Variants in MME observed in about 807,000 individuals in gnomAD.
The protein encoded by MME is membrane metalloendopeptidase.
In MME, 98 loss-of-function variants were observed where a neutral mutation model predicts 113.2. That is an observed-to-expected ratio of 0.87 (90% CI 0.74 to 1.02). The LOEUF (loss-of-function observed/expected upper bound fraction) is 1.02. Among genes scored for constraint, MME ranks in the 50% least tolerant of loss-of-function variants. The pLI is 0.00. For missense variants in MME, 836 were observed against 896.0 expected (o/e 0.93, Z 0.86); for synonymous variants, 292 against 300.6 (o/e 0.97, Z 0.30).
intron 3 of MME, among the ~76,000 whole-genome samples, chr3:155,088,728 G>T (rs1716013797): frequency 1.3e-5 from 2 of 150,926 alleles, no homozygotes; most frequent in African/African-American, 4.9e-5. Context: ...AAAGAGAGAT[G>T]TTGAAAAAAT....
At chr3:155,049,113 T>A (rs1022018071) in intron 1 of MME, among the ~76,000 whole-genome samples, 2 of 152,154 alleles carry the variant, frequency 1.3e-5, no homozygotes, top group Non-Finnish European at 2.9e-5. Context: ...TCTTCTTAAT[T>A]CTTCTGTGTT....
intron 22 of MME, among the ~76,000 whole-genome samples, chr3:155,179,352 C>G (rs1018952547): frequency 2.0e-5 from 3 of 152,056 alleles, no homozygotes; most frequent in Admixed American, 2.0e-4. Flanking sequence ...TCCTTCAAGT[C>G]CATGGAAGGT....
chr3:155,045,193 C>T (rs1713513759), intron 1 of MME, among the ~76,000 whole-genome samples: 1 of 151,630 alleles, frequency 6.6e-6, no homozygotes, highest in African/African-American at 2.4e-5. Context: ...GCTCTGTCGC[C>T]AGGCTGGAGT....
intron 3 of MME, chr3:155,112,795 A>C (rs1259585928): frequency 1.3e-5 from 2 of 152,290 alleles, no homozygotes; most frequent in African/African-American, 4.8e-5. Context: ...GGGCTGTAAG[A>C]GAAGGTGGTA....
At chr3:155,056,429 T>C (rs1174987668) in intron 1 of MME, among the ~76,000 whole-genome samples, 1 of 149,792 alleles carries the variant, frequency 6.7e-6, no homozygotes, top group Non-Finnish European at 1.5e-5. Flanking sequence ...ATATGCAGTG[T>C]TTGGTTTTTT....
intron 16 of MME, among the ~76,000 whole-genome samples, chr3:155,151,052 G>A (rs978686514): frequency 6.6e-5 from 10 of 152,042 alleles, no homozygotes; most frequent in African/African-American, 2.4e-4. Context: ...TCCAGCCTGG[G>A]CGACAGAGCA....
In MME at chr3:155,172,132, A is replaced by G. The variant is rs777038356; in HGVS notation, c.1996A>G (p.Ile666Val). The G allele has an allele frequency of 3.5e-5, 56 of 1,601,626 alleles. No individual in the cohort carries two copies. The South Asian group carries it at 6.1e-4, about 17-fold the overall frequency. Residue 666 changes from isoleucine to valine, a missense_variant, in exon 21 of 23, where the codon ATT becomes GTT. Physicochemically the swap from Ile to Val is conservative, Grantham distance 29. Coordinates refer to ENST00000360490, the MANE Select transcript of MME (RefSeq NM_007289.4). ...GQAYRAYQNYIKKNGEEKLLP... is the reference protein window; with the variant it reads ...GQAYRAYQNYVKKNGEEKLLP... ...AACTGCCTAGGCCTATCAGAATTATATTAAAAAGAATGGCGAAGAAAAATT... is the reference window on the plus strand; with the variant it reads ...AACTGCCTAGGCCTATCAGAATTATGTTAAAAAGAATGGCGAAGAAAAATT...
Position 155,090,999 on chromosome 3 carries a change from G to A in MME, c.196+5905G>A, listed in dbSNP as rs41485544. On this transcript the variant is annotated intron_variant, in intron 3 of 22. Coordinates refer to ENST00000360490, the MANE Select transcript of MME (RefSeq NM_007289.4). ...AAACAGCACAATTAGGTAAATACAG[G>A]AAGGACTGATGGCTAACTCATGGGG... 5.8e-3 allele frequency among the ~76,000 whole-genome samples: 881 copies of A among 152,326 alleles called. 9 individuals are homozygous for A. The highest frequency in any genetic ancestry group is 0.019 in the African/African-American group (807 of 41,574).
At chr3:155,138,019 A>G (rs1720766847) in intron 8 of MME, 83 bp from the exon 9 acceptor site, 1 of 1,485,428 alleles carries the variant, frequency 6.7e-7, no homozygotes, top group African/African-American at 1.4e-5. Context: ...CCAAAAATTA[A>G]TATTGAAATG....
intron 8 of MME, among the ~76,000 whole-genome samples, chr3:155,130,287 T>C (rs1720036136): frequency 6.6e-6 from 1 of 152,218 alleles, no homozygotes; most frequent in Non-Finnish European, 1.5e-5. Flanking sequence ...AAAGCCACTA[T>C]GATTTATTTT....
At chr3:155,098,468 A>G (rs1716926956) in intron 3 of MME, among the ~76,000 whole-genome samples, 2 of 151,952 alleles carry the variant, frequency 1.3e-5, no homozygotes, top group Admixed American at 6.6e-5. Flanking sequence ...AGGCAGGAGT[A>G]TCACTTGAAC....
At chr3:155,079,875 T>G (rs1192984041), upstream of MME, 1 of 152,216 alleles carries the variant, frequency 6.6e-6, no homozygotes, top group Non-Finnish European at 1.5e-5. Flanking sequence ...CCCGCGCGCC[T>G]TGGGCGGATG....
At chr3:155,059,529 T>C (rs1559895374) in intron 1 of MME, among the ~76,000 whole-genome samples, 1 of 151,976 alleles carries the variant, frequency 6.6e-6, no homozygotes, top group East Asian at 1.9e-4. Context: ...TAGTAAACGG[T>C]GGGACAGAGA....
At chr3:155,114,115 A>G (rs1718403653) in intron 3 of MME, among the ~76,000 whole-genome samples, 1 of 152,228 alleles carries the variant, frequency 6.6e-6, no homozygotes, top group Non-Finnish European at 1.5e-5. Flanking sequence ...CTCTTGATAC[A>G]GATGAATTCT....
intron 16 of MME, among the ~76,000 whole-genome samples, chr3:155,157,536 G>C (rs2108345163): frequency 6.6e-6 from 1 of 152,244 alleles, no homozygotes; most frequent in South Asian, 2.1e-4. Flanking sequence ...TACAGTTTTT[G>C]TTACATCACT....
At chr3:155,163,012 CAAAAAAAAAAA>C (rs57700088) in intron 17 of MME, among the ~76,000 whole-genome samples, 4 of 78,290 alleles carry the variant, frequency 5.1e-5, no homozygotes, top group Non-Finnish European at 1.0e-4. Flanking sequence ...AACTCTGTCT[CAAAAAAAAAAA>C]AAAAAAAAGA....
intron 8 of MME, among the ~76,000 whole-genome samples, chr3:155,134,804 T>C (rs951044355): frequency 1.3e-5 from 2 of 152,160 alleles, no homozygotes; most frequent in Non-Finnish European, 2.9e-5. Flanking sequence ...CATCTGTTCA[T>C]TTTTGACTTT....
chr3:155,124,571 T>A (rs1260278678), intron 8 of MME, among the ~76,000 whole-genome samples: 1 of 152,176 alleles, frequency 6.6e-6, no homozygotes, highest in Non-Finnish European at 1.5e-5. Flanking sequence ...TGGTCTTTGA[T>A]GATGATGATG....
chr3:155,060,753 T>C (rs1051479300), intron 1 of MME, among the ~76,000 whole-genome samples: 2 of 152,064 alleles, frequency 1.3e-5, no homozygotes. Context: ...GCCAGCATGG[T>C]CAGGTTCTTA....
Sources: gnomAD v4.1 joint callset for allele counts (sites outside exome capture counted in the v4.1 genomes callset) on GRCh38, gnomAD v4.1.1 for gene constraint, MANE v1.5 for transcripts, NCBI Gene and HGNC (gene_info 2026-07-23, HGNC 2026-07-21) for gene names.